CTNNA3: variants seen among roughly 807,000 people sequenced by gnomAD.
The protein encoded by CTNNA3 is catenin alpha 3.
A neutral mutation model predicts 95.7 loss-of-function variants in CTNNA3; 76 were observed. The ratio of observed to expected loss-of-function variants is 0.79; its 90% CI spans 0.66 to 0.96. CTNNA3 has a LOEUF of 0.96. CTNNA3 is among the 40% of genes least tolerant of loss of function. The pLI, the probability that CTNNA3 is intolerant of heterozygous loss-of-function variation, is 0.00. For missense variants in CTNNA3, 1,191 were observed against 1,089.8 expected, an observed-to-expected ratio of 1.09 and a Z score of -1.31; for synonymous variants, 431 against 374.4, an observed-to-expected ratio of 1.15 and a Z score of -1.74.
intron 1 of CTNNA3, among the ~76,000 whole-genome samples, chr10:67,726,990 A>G (rs1218605581): frequency 5.6e-4 from 65 of 115,648 alleles, no homozygotes; most frequent in Non-Finnish European, 9.2e-4. Flanking sequence ...ATACATATAT[A>G]ATTATATATA....
chr10:67,354,322 T>C (rs1443095732), intron 5 of CTNNA3, among the ~76,000 whole-genome samples: 1 of 152,138 alleles, frequency 6.6e-6, no homozygotes, highest in East Asian at 1.9e-4. Context: ...AATTTATTGC[T>C]GAGTTTATTA....
At chr10:67,502,272 C>G (rs12248086) in intron 5 of CTNNA3, among the ~76,000 whole-genome samples, 10,969 of 152,184 alleles carry the variant, frequency 0.072, 480 homozygotes, top group South Asian at 0.14. Context: ...CACTCCAGAC[C>G]CTGTTTGCCT....
At chr10:67,354,362 C>A (rs1589206654) in intron 5 of CTNNA3, among the ~76,000 whole-genome samples, 1 of 152,048 alleles carries the variant, frequency 6.6e-6, no homozygotes, top group African/African-American at 2.4e-5. Context: ...GAGCACCTAG[C>A]AACTAAAGTG....
intron 9 of CTNNA3, among the ~76,000 whole-genome samples, chr10:66,721,784 TCTTA>T (rs1391297801): frequency 6.6e-6 from 1 of 152,190 alleles, no homozygotes; most frequent in African/African-American, 2.4e-5. Context: ...TAATACCTGC[TCTTA>T]CTTACTGAAT....
At chr10:67,224,528 C>G (rs1426127314) in intron 5 of CTNNA3, among the ~76,000 whole-genome samples, 1 of 152,156 alleles carries the variant, frequency 6.6e-6, no homozygotes, top group Non-Finnish European at 1.5e-5. Flanking sequence ...GGAGACACCA[C>G]AAATACTGTG....
chr10:66,020,436 C>G (rs1033541017), intron 15 of CTNNA3, among the ~76,000 whole-genome samples: 3 of 152,164 alleles, frequency 2.0e-5, no homozygotes, highest in Admixed American at 2.0e-4. Flanking sequence ...ACCTGGAAAG[C>G]CTGCAAGGCT....
intron 7 of CTNNA3, among the ~76,000 whole-genome samples, chr10:67,165,111 G>A (rs1381720395): frequency 1.3e-5 from 2 of 152,058 alleles, no homozygotes; most frequent in Admixed American, 6.6e-5. Context: ...AAAACAGAAT[G>A]TCCTACCATA....
At chr10:66,743,591 A>C (rs1376396055) in intron 9 of CTNNA3, among the ~76,000 whole-genome samples, 1 of 152,110 alleles carries the variant, frequency 6.6e-6, no homozygotes, top group Non-Finnish European at 1.5e-5. Flanking sequence ...GGATTGTAAC[A>C]TGTCTGGTGT....
intron 11 of CTNNA3, among the ~76,000 whole-genome samples, chr10:66,511,731 G>T (rs12248619): frequency 0.18 from 28,045 of 151,686 alleles, 2,850 homozygotes; most frequent in African/African-American, 0.27. Flanking sequence ...AGAATACATG[G>T]TATAATTGCA....
chr10:67,051,458 T>G (rs1052875598), intron 7 of CTNNA3, among the ~76,000 whole-genome samples: 1 of 78,544 alleles, frequency 1.3e-5, no homozygotes, highest in African/African-American at 4.5e-5. Flanking sequence ...TCTTTTTTCT[T>G]TTTTCTTTTT....
At position 67,219,756 on chromosome 10, in the gene CTNNA3, C is replaced by G. The variant is rs1277837578; in HGVS notation, c.694G>C (p.Ala232Pro). 6.2e-7 allele frequency: 1 copy of G among 1,613,900 alleles called. No homozygotes were observed. The highest frequency in any genetic ancestry group is 8.5e-7 in the Non-Finnish European group (1 of 1,180,006). ...GTGTCCTTGCTTGCTTTGAGGGAAG[C>G]AACATCAGAATGCTCCAAACAAGCT... ...CSACLEHSDVASLKASKDTVC... is the reference protein window; with the variant it reads ...CSACLEHSDVPSLKASKDTVC... The change falls in exon 6 of 18, where the codon GCT becomes CCT. Residue 232 changes from alanine (A) to proline (P), a missense_variant. Ala to Pro is a conservative substitution (Grantham distance 27). Transcript: ENST00000433211.
intron 17 of CTNNA3, among the ~76,000 whole-genome samples, chr10:65,953,296 A>G (rs1288348608): frequency 6.6e-6 from 1 of 152,076 alleles, no homozygotes; most frequent in African/African-American, 2.4e-5. Context: ...AATTTAGGAC[A>G]TTCATACATC....
At chr10:66,825,559 T>C (rs1842477762) in intron 7 of CTNNA3, among the ~76,000 whole-genome samples, 1 of 152,126 alleles carries the variant, frequency 6.6e-6, no homozygotes. Flanking sequence ...ACTATAGGCA[T>C]GAACCACCGC....
chr10:66,334,295 G>C (rs1025517208), intron 12 of CTNNA3, among the ~76,000 whole-genome samples: 1 of 151,870 alleles, frequency 6.6e-6, no homozygotes, highest in East Asian at 1.9e-4. Context: ...TATTTTGCTC[G>C]TTAGTTGATG....
At chr10:66,276,824 T>C (rs551021750) in intron 13 of CTNNA3, among the ~76,000 whole-genome samples, 16 of 145,658 alleles carry the variant, frequency 1.1e-4, no homozygotes, top group Non-Finnish European at 1.8e-4. Flanking sequence ...TTATAGCCTA[T>C]TGTTTATTAA....
rs1281638098 is a variant in CTNNA3 at position 65,920,285 on chromosome 10, T to C, written c.*45A>G. ...TAAGTGTAAAATAAAGCAGTGTGGT[T>C]AGGCAGGATTTTGTCATATAGGCAC... On this transcript the variant is annotated 3_prime_UTR_variant, in exon 18 of 18. Coordinates refer to ENST00000433211, the MANE Select transcript of CTNNA3 (RefSeq NM_013266.4). 4.0e-6 allele frequency: 6 copies of C among 1,504,248 alleles called. No individual in the cohort carries two copies. Among genetic ancestry groups the C allele is most frequent in the Admixed American group, 1.9e-5 (1 of 53,938 alleles). The allele number at this position is 1,504,248 out of a possible 1,614,324, so 93.2% of individuals were successfully genotyped here.
intron 1 of CTNNA3, among the ~76,000 whole-genome samples, chr10:67,690,733 A>G (rs189725694): frequency 3.7e-4 from 56 of 152,336 alleles, no homozygotes; most frequent in African/African-American, 1.3e-3. Flanking sequence ...TCAAGAGGAG[A>G]TAAATGTTTA....
intron 7 of CTNNA3, among the ~76,000 whole-genome samples, chr10:66,962,972 T>TTGAC (rs1446850148): frequency 2.1e-5 from 3 of 142,144 alleles, no homozygotes; most frequent in Non-Finnish European, 4.6e-5. Context: ...TAAGTAGTTG[T>TTGAC]TGACTGAATG....
intron 11 of CTNNA3, among the ~76,000 whole-genome samples, chr10:66,395,689 C>T (rs1313922843): frequency 6.6e-6 from 1 of 151,976 alleles, no homozygotes; most frequent in Non-Finnish European, 1.5e-5. Flanking sequence ...CTAACAGATC[C>T]TAATCATAGC....
Sources: gnomAD v4.1 joint callset for allele counts (sites outside exome capture counted in the v4.1 genomes callset) on GRCh38, gnomAD v4.1.1 for gene constraint, MANE v1.5 for transcripts, NCBI Gene and HGNC (gene_info 2026-07-23, HGNC 2026-07-21) for gene names.